The following SH3BP2 variants were observed in gnomAD, a reference collection of about 807,000 sequenced individuals.
SH3BP2 encodes SH3 domain-binding protein 2.
A neutral mutation model predicts 56.2 loss-of-function variants in SH3BP2; 38 were observed. The observed-to-expected ratio is 0.68, with a 90% confidence interval of 0.52 to 0.89. The LOEUF is 0.89. Ranked by LOEUF, SH3BP2 falls within the 40% of genes least tolerant of loss-of-function variation. SH3BP2 has a pLI of 0.00. For missense variants in SH3BP2, 748 were observed against 762.6 expected, an observed-to-expected ratio of 0.98 and a Z score of 0.23; for synonymous variants, 346 against 316.7, an observed-to-expected ratio of 1.09 and a Z score of -0.98.
Position 2,837,259 on chromosome 4 carries a change from C to T in SH3BP2, c.*3425C>T, listed in dbSNP as rs1272454035. The T allele has an allele frequency of 6.6e-6, 1 of 152,234 alleles. No homozygotes were observed. Among genetic ancestry groups the T allele is most frequent in the Non-Finnish European group, 1.5e-5 (1 of 68,068 alleles). 9.4% of individuals were successfully genotyped at this position (152,234 alleles called of 1,614,324 possible). On this transcript the variant is annotated 3_prime_UTR_variant, in exon 13 of 13. Transcript: ENST00000503393. ...GGCCAGGCTGGTCTTGAACTCCTGA[C>T]CTCAACTGATCCGCCCACCTTGGCC...
chr4:2,833,392 G>A (rs746768945), intron 12 of SH3BP2: 10 of 572,492 alleles, frequency 1.7e-5, no homozygotes, highest in Admixed American at 6.1e-5. Flanking sequence ...TCCCACCTCG[G>A]CCTCCCACAG....
At chr4:2,804,323 G>A (rs1723442673) in intron 1 of SH3BP2, among the ~76,000 whole-genome samples, 1 of 152,208 alleles carries the variant, frequency 6.6e-6, no homozygotes, top group Non-Finnish European at 1.5e-5. Context: ...GGAAACTGAG[G>A]ACTGGAGCTC....
chr4:2,794,857 A>G (rs2108692383), intron 1 of SH3BP2, among the ~76,000 whole-genome samples: 1 of 152,270 alleles, frequency 6.6e-6, no homozygotes, highest in South Asian at 2.1e-4. Context: ...CACGCACACA[A>G]GCAGGCCCAC....
intron 1 of SH3BP2, among the ~76,000 whole-genome samples, chr4:2,800,307 G>A (rs1032893561): frequency 2.6e-5 from 4 of 152,158 alleles, no homozygotes; most frequent in Non-Finnish European, 5.9e-5. Flanking sequence ...GCCTCCCTGG[G>A]GAGGGAAAGG....
chr4:2,814,403 C>A (rs1723901212), intron 1 of SH3BP2, among the ~76,000 whole-genome samples: 1 of 152,112 alleles, frequency 6.6e-6, no homozygotes, highest in Admixed American at 6.5e-5. Context: ...GTCACCTGAA[C>A]CAATTGCAAC....
intron 1 of SH3BP2, chr4:2,812,297 A>G: frequency 6.5e-7 from 1 of 1,547,934 alleles, no homozygotes; most frequent in South Asian, 1.2e-5. Flanking sequence ...CCTCAGAAGC[A>G]GCAGGAGTGA....
At chr4:2,816,136 C>A (rs1723985258) in intron 1 of SH3BP2, among the ~76,000 whole-genome samples, 1 of 151,990 alleles carries the variant, frequency 6.6e-6, no homozygotes, top group Admixed American at 6.6e-5. Context: ...CTCACTGCTA[C>A]CTCCACCTCC....
intron 8 of SH3BP2, 109 bp downstream of exon 8, chr4:2,830,256 C>G (rs889387194): frequency 3.6e-6 from 4 of 1,096,096 alleles, no homozygotes; most frequent in Non-Finnish European, 5.1e-6. Flanking sequence ...TAGCCCACGA[C>G]GGGGTACCAG....
At chr4:2,806,855 C>T (rs1723555860) in intron 1 of SH3BP2, among the ~76,000 whole-genome samples, 1 of 152,274 alleles carries the variant, frequency 6.6e-6, no homozygotes, top group African/African-American at 2.4e-5. Context: ...GATGTGAGAA[C>T]ATTGCAGCTT....
chr4:2,808,696 G>T (rs934057703), intron 1 of SH3BP2, among the ~76,000 whole-genome samples: 1 of 152,110 alleles, frequency 6.6e-6, no homozygotes, highest in Non-Finnish European at 1.5e-5. Context: ...CATGGGAGGG[G>T]CTCATGCAAA....
At position 2,829,450 on chromosome 4, in the gene SH3BP2, C is replaced by G. The variant is rs776997500; in HGVS notation, c.587-43C>G. 1.2e-6 allele frequency: 2 copies of G among 1,607,450 alleles called. No homozygotes were observed. Among genetic ancestry groups the G allele is most frequent in the East Asian group, 2.2e-5 (1 of 44,846 alleles). On this transcript the variant is annotated intron_variant, in intron 7 of 12. Transcript: ENST00000503393. This position sits in a 1 kb window ranked among gnomAD's most constrained non-coding sequence, Gnocchi z 4.9. ...ACTGCCAGCAGAGGATAGTGTTGGCCCAGTCTCTGTCAGGGTCCAACCCGG... is the reference window on the plus strand; with the variant it reads ...ACTGCCAGCAGAGGATAGTGTTGGCGCAGTCTCTGTCAGGGTCCAACCCGG...
rs1725306203 is a variant in SH3BP2, at chr4:2,838,368, G to T, written c.*4534G>T. The stretch of plus-strand genomic sequence containing the variant: ...CATTGCAGTATTTTCCTGTTTCTGT[G>T]CTTTATCCCCTTGAATCATACAGAT... On this transcript the variant is annotated 3_prime_UTR_variant, in exon 13 of 13. Coordinates refer to ENST00000503393, the MANE Select transcript of SH3BP2 (RefSeq NM_001122681.2). 6.6e-6 allele frequency: 1 copy of T among 152,192 alleles called. No individual in the cohort carries two copies. The highest frequency in any genetic ancestry group is 1.5e-5 in the Non-Finnish European group (1 of 68,046). The allele number at this position is 152,192 out of a possible 1,614,324, so 9.4% of individuals were successfully genotyped here. A position where few individuals can be genotyped will look rare whatever the true frequency, so the allele number is the denominator to read the frequency against.
chr4:2,826,098 C>T (rs965310184), intron 5 of SH3BP2, among the ~76,000 whole-genome samples: 2 of 152,268 alleles, frequency 1.3e-5, no homozygotes, highest in African/African-American at 4.8e-5. Flanking sequence ...CGCCCAAGCC[C>T]TCTTGAGGCA....
intron 1 of SH3BP2, among the ~76,000 whole-genome samples, chr4:2,808,044 G>T (rs1057037432): frequency 6.6e-6 from 1 of 152,178 alleles, no homozygotes; most frequent in African/African-American, 2.4e-5. Context: ...GTCCCCGTGT[G>T]GATTCATTTC....
rs1725336482 is a variant in SH3BP2, at chr4:2,839,212, C to A, written c.*5378C>A. On this transcript the variant is annotated 3_prime_UTR_variant, in exon 13 of 13. Coordinates refer to ENST00000503393, the MANE Select transcript of SH3BP2 (RefSeq NM_001122681.2). ...TCTGAGACAGGGTCTCACTCTGTTG[C>A]CCTGGCTGGAGTGCAGTGGTGCAAT... 6.7e-6 allele frequency: 1 copy of A among 150,228 alleles called. No individual in the cohort carries two copies. Among genetic ancestry groups the A allele is most frequent in the Non-Finnish European group, 1.5e-5 (1 of 67,736 alleles). The allele number at this position is 150,228 out of a possible 1,614,324, so 9.3% of individuals were successfully genotyped here.
chr4:2,809,971 C>A, intron 1 of SH3BP2: 1 of 214,310 alleles, frequency 4.7e-6, no homozygotes, highest in Non-Finnish European at 8.0e-6. Flanking sequence ...CCCGGCCATG[C>A]CCCGCTGCAC....
At chr4:2,815,756 C>A (rs910337197) in intron 1 of SH3BP2, among the ~76,000 whole-genome samples, 2 of 152,242 alleles carry the variant, frequency 1.3e-5, no homozygotes, top group African/African-American at 4.8e-5. Context: ...CTGTCACCCA[C>A]AGGGTGAACA....
At chr4:2,814,500 A>G (rs1374233399) in intron 1 of SH3BP2, among the ~76,000 whole-genome samples, 1 of 107,768 alleles carries the variant, frequency 9.3e-6, no homozygotes, top group Non-Finnish European at 1.8e-5. Flanking sequence ...GTGCATGTGC[A>G]CACACACACA....
chr4:2,798,852 G>C, intron 1 of SH3BP2: 1 of 520,368 alleles, frequency 1.9e-6, no homozygotes, highest in Non-Finnish European at 2.5e-6. Flanking sequence ...ACCAGGCCAG[G>C]CCGTGTGACC....
Sources: allele counts gnomAD v4.1 joint callset (sites outside exome capture counted in the v4.1 genomes callset), GRCh38; gene constraint gnomAD v4.1.1; non-coding constraint Gnocchi (gnomAD v3.1); transcripts MANE v1.5; gene names NCBI Gene and HGNC (gene_info 2026-07-23, HGNC 2026-07-21).